Variants in COG7 observed in about 807,000 individuals in gnomAD.
COG7 encodes component of oligomeric golgi complex 7, also known as conserved oligomeric Golgi complex subunit 7.
COG7 carries 49 observed loss-of-function variants against 91.5 expected under a neutral mutation model. That is an observed-to-expected ratio of 0.54 (90% confidence interval 0.43 to 0.68). The LOEUF (loss-of-function observed/expected upper bound fraction) is 0.68, where lower values mean the gene tolerates loss of function less well. Ranked by LOEUF, COG7 falls within the 30% of genes least tolerant of loss-of-function variation. The pLI is 0.00. For missense variants in COG7, 895 were observed against 961.3 expected (o/e 0.93, Z 0.91); for synonymous variants, 365 against 388.7 (o/e 0.94, Z 0.72).
At chr16:23,433,474 C>G in intron 6 of COG7, 71 bp downstream of exon 6, 1 of 1,602,892 alleles carries the variant, frequency 6.2e-7, no homozygotes, top group East Asian at 2.2e-5. Context: ...AGGGTGGCCA[C>G]TCCCGAGGCA....
chr16:23,436,936 T>G (rs1964022142), intron 4 of COG7, among the ~76,000 whole-genome samples: 1 of 152,082 alleles, frequency 6.6e-6, no homozygotes, highest in Non-Finnish European at 1.5e-5. Context: ...GAATCCCAAC[T>G]AGATATCTAA....
At chr16:23,426,039 C>A (rs1044851478) in intron 6 of COG7, among the ~76,000 whole-genome samples, 1 of 152,004 alleles carries the variant, frequency 6.6e-6, no homozygotes, top group African/African-American at 2.4e-5. Flanking sequence ...CATGGTCAAA[C>A]CCCGTCTCTG....
intron 6 of COG7, among the ~76,000 whole-genome samples, chr16:23,431,150 G>A (rs139138867): frequency 3.6e-4 from 55 of 152,238 alleles, no homozygotes; most frequent in African/African-American, 1.3e-3. Flanking sequence ...CGTAGGAGGT[G>A]GCTACATGGG....
In COG7 at chr16:23,392,509, C is replaced by T. The variant is rs761181991; in HGVS notation, c.2017G>A (p.Glu673Lys). ...CAGTTGTCAGCCATGTTGTCCAGCTCGGGCAATTCATCCCCTGAAAAGAAA... is the reference window on the plus strand; with the variant it reads ...CAGTTGTCAGCCATGTTGTCCAGCTTGGGCAATTCATCCCCTGAAAAGAAA... Reference protein sequence around the residue: ...FPPEQGDELPELDNMADNWLG... With the variant: ...FPPEQGDELPKLDNMADNWLG... The change falls in exon 16 of 17, where the codon GAG (glutamate) becomes AAG (lysine). Residue 673 changes from glutamate to lysine, a missense_variant. By Grantham distance (56) the Glu-to-Lys change is moderately conservative. Transcript: ENST00000307149. The T allele has an allele frequency of 1.7e-5, 28 of 1,614,144 alleles. No homozygotes were observed. The highest frequency in any genetic ancestry group is 2.2e-5 in the East Asian group (1 of 44,884).
chr16:23,406,215 C>T lies in COG7; in HGVS notation c.1523G>A (p.Arg508Gln), dbSNP rs752371500. ...GCTCTCCTGAAAACCAGCCAGGCTC[C>T]GGGGGCTGCAGGAATCAGATAGATA... ...GKYLSDSCSPRSLAGFQESIL... is the reference protein window; with the variant it reads ...GKYLSDSCSPQSLAGFQESIL... The change falls in exon 12 of 17, where the codon CGG becomes CAG. Residue 508 changes from arginine (R) to glutamine (Q), a missense_variant. Coordinates refer to ENST00000307149, the MANE Select transcript of COG7 (RefSeq NM_153603.4). The T allele has an allele frequency of 1.1e-5, 17 of 1,614,002 alleles. No homozygotes were observed. The highest frequency in any genetic ancestry group is 2.7e-5 in the African/African-American group (2 of 74,910).
At position 23,441,340 on chromosome 16, in the gene COG7, C is replaced by T. The variant is rs913082582; in HGVS notation, c.604+1137G>A. On this transcript the variant is annotated intron_variant, in intron 4 of 16. Coordinates refer to ENST00000307149, the MANE Select transcript of COG7 (RefSeq NM_153603.4). ...CTCTAATCCCAACACTTTGGGAGGC[C>T]GAGGTGGGCAGATCACTTGAGATCA... Among the ~76,000 whole-genome samples the T allele has an allele frequency of 8.5e-5, 13 of 152,208 alleles. No homozygotes were observed. In the East Asian group the frequency reaches 1.2e-3, roughly 14 times the overall value.
chr16:23,409,247 G>A (rs1291558423), intron 11 of COG7, among the ~76,000 whole-genome samples: 3 of 152,094 alleles, frequency 2.0e-5, no homozygotes, highest in Non-Finnish European at 4.4e-5. Context: ...GCGCTGGGCC[G>A]CTCCAGTGAC....
At chr16:23,452,677 G>A in intron 1 of COG7, 149 bp downstream of exon 1, 1 of 1,444,942 alleles carries the variant, frequency 6.9e-7, no homozygotes, top group Non-Finnish European at 9.1e-7. Flanking sequence ...TCCCGCTGAC[G>A]TGATCAGGAG....
At chr16:23,406,025 G>C (rs1455445819) in intron 12 of COG7, 51 bp downstream of exon 12, 8 of 1,549,606 alleles carry the variant, frequency 5.2e-6, no homozygotes, top group Non-Finnish European at 6.2e-6. Context: ...GAGGGTGAGT[G>C]ATGAGAAGAA....
At chr16:23,397,977 C>G in intron 14 of COG7, 69 bp downstream of exon 14, 1 of 1,358,972 alleles carries the variant, frequency 7.4e-7, no homozygotes, top group South Asian at 1.2e-5. Context: ...ACTATAAGGG[C>G]AAGAATCAAA....
intron 7 of COG7, among the ~76,000 whole-genome samples, chr16:23,423,044 C>CA (rs34598282): frequency 0.24 from 15,076 of 63,284 alleles, 1,332 homozygotes; most frequent in East Asian, 0.37. Flanking sequence ...GTCTCTGTCT[C>CA]AAAAAAAAAA....
At chr16:23,391,264 C>T (rs1270952749) in intron 16 of COG7, among the ~76,000 whole-genome samples, 1 of 152,186 alleles carries the variant, frequency 6.6e-6, no homozygotes, top group Admixed American at 6.5e-5. Context: ...ACAAGGACAA[C>T]TGAAACTGAG....
At chr16:23,433,784 G>T in intron 5 of COG7, 117 bp from the exon 6 acceptor site, 2 of 1,126,552 alleles carry the variant, frequency 1.8e-6, no homozygotes, top group Non-Finnish European at 2.6e-6. Flanking sequence ...TCACTGGGCA[G>T]CCCAGTGAGG....
At chr16:23,407,696 TACTAGC>T (rs1193880031) in intron 11 of COG7, among the ~76,000 whole-genome samples, 1 of 152,162 alleles carries the variant, frequency 6.6e-6, no homozygotes, top group Non-Finnish European at 1.5e-5. Flanking sequence ...ATTTGTGAAT[TACTAGC>T]ACTAGCACAG....
chr16:23,433,938 G>A (rs910763283), intron 5 of COG7, among the ~76,000 whole-genome samples: 1 of 152,020 alleles, frequency 6.6e-6, no homozygotes. Context: ...GCAACCACTT[G>A]GCACACCATC....
At chr16:23,449,177 C>A (rs1964225749) in intron 1 of COG7, among the ~76,000 whole-genome samples, 1 of 151,660 alleles carries the variant, frequency 6.6e-6, no homozygotes, top group African/African-American at 2.4e-5. Context: ...TTCTGGCTAA[C>A]AAGGTGAAAC....
Position 23,388,773 on chromosome 16 carries a change from TACAGGCG to T in COG7, c.*140_*146del. The T allele has an allele frequency of 7.0e-7, 1 of 1,427,156 alleles. No homozygotes were observed. The highest frequency in any genetic ancestry group is 9.3e-7 in the Non-Finnish European group (1 of 1,076,004). 88.4% of individuals were successfully genotyped at this position (1,427,156 alleles called of 1,614,324 possible). On this transcript the variant is annotated 3_prime_UTR_variant, in exon 17 of 17. Coordinates refer to ENST00000307149, the MANE Select transcript of COG7 (RefSeq NM_153603.4). ...GCTTGGCCTCCCAAAGTGCTGGGAT[TACAGGCG>T]TGAGCCACCGTGACCAGCTGAACCA...
In COG7 at chr16:23,393,136, G is replaced by A. The variant is rs374444737; in HGVS notation, c.2002+97C>T. The A allele has an allele frequency of 8.3e-6, 7 of 846,274 alleles. No individual in the cohort carries two copies. In the East Asian group the frequency reaches 1.6e-4, roughly 19 times the overall value. 52.4% of individuals were successfully genotyped at this position (846,274 alleles called of 1,614,324 possible). ...GAAGGTTAAAAAAAAACAGGACTTG[G>A]TGACAAATGAGCCCAAGGATAAGGT... On this transcript the variant is annotated intron_variant, in intron 15 of 16. Transcript: ENST00000307149.
chr16:23,427,040 G>C (rs997582779), intron 6 of COG7, among the ~76,000 whole-genome samples: 1 of 152,054 alleles, frequency 6.6e-6, no homozygotes, highest in Admixed American at 6.6e-5. Context: ...CTTGAGCCTA[G>C]GAGTTTGAGA....
Sources: allele counts gnomAD v4.1 joint callset (sites outside exome capture counted in the v4.1 genomes callset), GRCh38; gene constraint gnomAD v4.1.1; transcripts MANE v1.5; gene names NCBI Gene and HGNC (gene_info 2026-07-23, HGNC 2026-07-21).